The following ANK2 variants were observed in gnomAD, a reference collection of about 807,000 sequenced individuals.
ANK2 encodes the protein ankyrin-2.
ANK2 carries 83 observed loss-of-function variants against 360.5 expected under a neutral mutation model. The ratio of observed to expected loss-of-function variants is 0.23; its 90% CI spans 0.19 to 0.28. ANK2 has a LOEUF of 0.28. ANK2 is among the 10% of genes least tolerant of loss of function. ANK2 has a pLI of 1.00. For missense variants in ANK2, 4,201 were observed against 4,795.7 expected (o/e 0.88, Z 3.66); for synonymous variants, 1,740 against 1,759.5 (o/e 0.99, Z 0.28).
At chr4:112,846,059 T>C (rs1047669245) in intron 1 of ANK2, among the ~76,000 whole-genome samples, 5 of 152,346 alleles carry the variant, frequency 3.3e-5, no homozygotes, top group African/African-American at 1.2e-4. Context: ...TTCTTACTTC[T>C]TGAAACAGTA....
intron 2 of ANK2, among the ~76,000 whole-genome samples, chr4:112,957,014 T>C (rs1012729854): frequency 4.8e-5 from 7 of 146,356 alleles, no homozygotes; most frequent in Admixed American, 6.8e-5. Context: ...CTTGTTTTTT[T>C]TTTTTTTTTT....
At chr4:112,824,472 G>A (rs1411531077) in intron 1 of ANK2, among the ~76,000 whole-genome samples, 5 of 151,390 alleles carry the variant, frequency 3.3e-5, no homozygotes, top group African/African-American at 1.2e-4. Flanking sequence ...AAAGTGCTGG[G>A]ATTACAGATG....
chr4:112,970,824 A>G (rs1166125827), intron 2 of ANK2, among the ~76,000 whole-genome samples: 1 of 152,074 alleles, frequency 6.6e-6, no homozygotes, highest in Non-Finnish European at 1.5e-5. Flanking sequence ...TATACTTGAA[A>G]ATCAGGAAAA....
intron 2 of ANK2, among the ~76,000 whole-genome samples, chr4:113,007,430 G>A (rs1299020702): frequency 6.6e-6 from 1 of 152,138 alleles, no homozygotes; most frequent in African/African-American, 2.4e-5. Context: ...ATAATCAGCA[G>A]TTCCATTACA....
intron 45 of ANK2, among the ~76,000 whole-genome samples, 176 bp from the exon 46 acceptor site, chr4:113,381,281 G>A (rs2097163743): frequency 6.6e-6 from 1 of 152,120 alleles, no homozygotes; most frequent in Non-Finnish European, 1.5e-5. Flanking sequence ...AGAGAGGGGA[G>A]CCATGTTTAA....
In ANK2 at chr4:113,087,529, C is replaced by T. The variant is rs528443061; in HGVS notation, c.84+37717C>T. Among the ~76,000 whole-genome samples the T allele has an allele frequency of 3.9e-5, 6 of 152,052 alleles. No homozygotes were observed. In the South Asian group the frequency reaches 1.2e-3, roughly 32 times the overall value. On this transcript the variant is annotated intron_variant, in intron 1 of 45. Transcript: ENST00000357077. ...CATTGTTTTCCTGTGTTATTTTTTG[C>T]TGCTCCTTTAAGCAGCAAAAATTAT...
At chr4:113,195,351 A>G (rs770221934) in intron 2 of ANK2, among the ~76,000 whole-genome samples, 16 of 152,034 alleles carry the variant, frequency 1.1e-4, no homozygotes, top group Non-Finnish European at 1.8e-4. Flanking sequence ...CTTTTTTTAC[A>G]TTCTGAGTAT....
At chr4:113,167,178 T>C (rs2097778437) in intron 1 of ANK2, among the ~76,000 whole-genome samples, 2 of 152,220 alleles carry the variant, frequency 1.3e-5, no homozygotes, top group South Asian at 2.1e-4. Context: ...TATTTACTTC[T>C]CTGTGATTTT....
intron 1 of ANK2, among the ~76,000 whole-genome samples, chr4:113,066,859 A>C (rs1227109140): frequency 6.6e-6 from 1 of 152,124 alleles, no homozygotes; most frequent in African/African-American, 2.4e-5. Flanking sequence ...CCTCATCTGT[A>C]AACACTGAGA....
At chr4:113,241,886 G>A (rs747842177) in intron 8 of ANK2, among the ~76,000 whole-genome samples, 2 of 152,076 alleles carry the variant, frequency 1.3e-5, no homozygotes, top group Non-Finnish European at 2.9e-5. Flanking sequence ...TGTAGTTATT[G>A]ACTAACTTAG....
At chr4:113,133,602 G>C (rs151216416) in intron 1 of ANK2, among the ~76,000 whole-genome samples, 3 of 152,114 alleles carry the variant, frequency 2.0e-5, no homozygotes, top group African/African-American at 4.8e-5. Context: ...TTTTAGGGCA[G>C]ATAATAAACA....
At chr4:113,263,717 T>G (rs1338013912) in intron 13 of ANK2, among the ~76,000 whole-genome samples, 1 of 152,258 alleles carries the variant, frequency 6.6e-6, no homozygotes, top group African/African-American at 2.4e-5. Flanking sequence ...AATGGTTTAC[T>G]TTACTTGGTT....
chr4:113,279,826 GC>G (rs1173988088), intron 17 of ANK2, among the ~76,000 whole-genome samples: 2 of 151,706 alleles, frequency 1.3e-5, no homozygotes, highest in Non-Finnish European at 2.9e-5. Context: ...AAAAGAGGGT[GC>G]CAAATGTTCA....
chr4:112,972,578 AAG>A (rs2039911665), intron 2 of ANK2, among the ~76,000 whole-genome samples: 1 of 152,110 alleles, frequency 6.6e-6, no homozygotes, highest in Non-Finnish European at 1.5e-5. Context: ...GAGAAGGTTT[AAG>A]AGGTGCCCAC....
intron 2 of ANK2, among the ~76,000 whole-genome samples, chr4:112,931,071 T>C (rs1442299225): frequency 6.6e-6 from 1 of 152,156 alleles, no homozygotes; most frequent in African/African-American, 2.4e-5. Flanking sequence ...GTATGAGTTG[T>C]AGATAGGCAG....
Position 113,220,021 on chromosome 4 carries a change from C to T in ANK2, c.385-12140C>T, listed in dbSNP as rs1261359769. Among the ~76,000 whole-genome samples the T allele has an allele frequency of 6.6e-5, 10 of 152,264 alleles. No homozygotes were observed. In the East Asian group the frequency reaches 1.9e-3, roughly 29 times the overall value. ...CCTCCTGCCCATCTGGTGGCTCATT[C>T]ATAACCAAGGACTCAGAATTGTTTT... is the stretch of plus-strand genomic sequence containing the variant. On this transcript the variant is annotated intron_variant, in intron 4 of 45. Coordinates refer to ENST00000357077, the MANE Select transcript of ANK2 (RefSeq NM_001148.6).
At chr4:113,352,686 A>G (rs1283803833) in intron 37 of ANK2, among the ~76,000 whole-genome samples, 1 of 151,726 alleles carries the variant, frequency 6.6e-6, no homozygotes. Flanking sequence ...CATCTGAACA[A>G]TCTTGAGATA....
intron 1 of ANK2, among the ~76,000 whole-genome samples, chr4:113,095,242 T>C (rs2090484631): frequency 6.6e-6 from 1 of 152,230 alleles, no homozygotes; most frequent in Non-Finnish European, 1.5e-5. Context: ...TTGATTTTCT[T>C]TTTCTAGAAG....
chr4:113,381,655 C>T lies in ANK2; in HGVS notation c.*184C>T. On this transcript the variant is annotated 3_prime_UTR_variant, in exon 46 of 46. Coordinates refer to ENST00000357077, the MANE Select transcript of ANK2 (RefSeq NM_001148.6). Reference sequence around the variant, plus strand: ...AGGCCAAGTGAGGGGCTGCCCAGTTCTCACACCAGAAACCACACATTCACT... The same window carrying T: ...AGGCCAAGTGAGGGGCTGCCCAGTTTTCACACCAGAAACCACACATTCACT... 6.5e-7 allele frequency: 1 copy of T among 1,542,446 alleles called. No homozygotes were observed. Among genetic ancestry groups the T allele is most frequent in the Non-Finnish European group, 8.7e-7 (1 of 1,146,404 alleles).
Sources: gnomAD v4.1 joint callset for allele counts (sites outside exome capture counted in the v4.1 genomes callset) on GRCh38, gnomAD v4.1.1 for gene constraint, MANE v1.5 for transcripts, NCBI Gene and HGNC (gene_info 2026-07-23, HGNC 2026-07-21) for gene names.